The following WWP2 variants were observed in gnomAD, a reference collection of about 807,000 sequenced individuals.
The protein encoded by WWP2 is WW domain containing E3 ubiquitin protein ligase 2.
A neutral mutation model predicts 121.0 loss-of-function variants in WWP2; 57 were observed. That is an observed-to-expected ratio of 0.47 (90% confidence interval 0.38 to 0.59). The LOEUF (loss-of-function observed/expected upper bound fraction) is 0.59, where lower values mean the gene tolerates loss of function less well. WWP2 is among the 20% of genes least tolerant of loss of function. The pLI is 0.00. For synonymous variants in WWP2, 449 were observed against 441.3 expected, an observed-to-expected ratio of 1.02 and a Z score of -0.22; for missense variants, 962 against 1,158.9, an observed-to-expected ratio of 0.83 and a Z score of 2.47.
intron 7 of WWP2, among the ~76,000 whole-genome samples, chr16:69,885,141 ATT>A (rs773848301): frequency 0.054 from 8,010 of 147,822 alleles, 250 homozygotes; most frequent in Middle Eastern, 0.098. Context: ...ACACACACAC[ATT>A]CTTCTTCTTT....
At chr16:69,792,063 C>T (rs965545536) in intron 2 of WWP2, among the ~76,000 whole-genome samples, 4 of 151,972 alleles carry the variant, frequency 2.6e-5, no homozygotes, top group African/African-American at 4.8e-5. Context: ...ATTTAAATAG[C>T]GTAGGTGGTT....
intron 8 of WWP2, among the ~76,000 whole-genome samples, chr16:69,888,821 C>T (rs1387611732): frequency 6.6e-6 from 1 of 152,130 alleles, no homozygotes; most frequent in Non-Finnish European, 1.5e-5. Flanking sequence ...TCTCCTGCCT[C>T]AGCCTCCCAA....
intron 1 of WWP2, among the ~76,000 whole-genome samples, chr16:69,768,064 C>T (rs996437274): frequency 6.6e-6 from 1 of 151,996 alleles, no homozygotes. Context: ...TCTTGAACTC[C>T]GGGCTCAAGT....
chr16:69,852,678 TGTTC>T (rs1462895189), intron 6 of WWP2, among the ~76,000 whole-genome samples: 1 of 59,056 alleles, frequency 1.7e-5, no homozygotes, highest in Non-Finnish European at 3.7e-5. Flanking sequence ...TGGTTGTTCA[TGTTC>T]TTATTGTTGA....
chr16:69,768,643 A>G (rs969437084), intron 1 of WWP2, among the ~76,000 whole-genome samples: 7 of 152,094 alleles, frequency 4.6e-5, no homozygotes, highest in Non-Finnish European at 8.8e-5. Flanking sequence ...AATAACAAGT[A>G]CCAAGACATG....
At chr16:69,851,066 A>G (rs1371916722) in intron 6 of WWP2, among the ~76,000 whole-genome samples, 2 of 144,204 alleles carry the variant, frequency 1.4e-5, no homozygotes, top group African/African-American at 5.2e-5. Context: ...GCTGGAGTGC[A>G]GTGGCTCAAT....
At chr16:69,927,010 G>A (rs1284193495) in intron 11 of WWP2, among the ~76,000 whole-genome samples, 2 of 152,140 alleles carry the variant, frequency 1.3e-5, no homozygotes, top group African/African-American at 2.4e-5. Context: ...CACAGCTGAT[G>A]GAGACTTGAA....
intron 6 of WWP2, among the ~76,000 whole-genome samples, chr16:69,863,070 T>G (rs1166896956): frequency 6.6e-6 from 1 of 152,142 alleles, no homozygotes; most frequent in Admixed American, 6.5e-5. Flanking sequence ...GTCCCTAGTC[T>G]TTATAGAATC....
rs182060052 is a variant in WWP2 at position 69,784,785 on chromosome 16, C to T, written c.-15-2211C>T. 3.3e-4 allele frequency among the ~76,000 whole-genome samples: 50 copies of T among 152,136 alleles called. No homozygotes were observed. In the Middle Eastern group the frequency reaches 0.014, roughly 41 times the overall value. Reference sequence around the variant, plus strand: ...ATTAATTGCTTTTTGGGTGAAGTACCATTTTTACTTAAACATCTAACAGAC... The same window carrying T: ...ATTAATTGCTTTTTGGGTGAAGTACTATTTTTACTTAAACATCTAACAGAC... On this transcript the variant is annotated intron_variant, in intron 1 of 23. Coordinates refer to ENST00000359154, the MANE Select transcript of WWP2 (RefSeq NM_001270454.2).
chr16:69,799,074 T>A lies in WWP2; in HGVS notation c.219-100T>A. The A allele has an allele frequency of 1.3e-6, 2 of 1,523,580 alleles. No individual in the cohort carries two copies. Among genetic ancestry groups the A allele is most frequent in the Non-Finnish European group, 1.8e-6 (2 of 1,134,252 alleles). 94.4% of individuals were successfully genotyped at this position (1,523,580 alleles called of 1,614,324 possible). A position where few individuals can be genotyped will look rare whatever the true frequency, so the allele number is the denominator to read the frequency against. ...ATATGTGGGTGTCTGCCTGTTTTGG[T>A]TCCCCCTCCCCAAGATGTCAGCAGT... is the stretch of plus-strand genomic sequence containing the variant. On this transcript the variant is annotated intron_variant, in intron 3 of 23. Coordinates refer to ENST00000359154, the MANE Select transcript of WWP2 (RefSeq NM_001270454.2). The surrounding 1 kb of genome is among the most constrained non-coding windows in gnomAD (Gnocchi z 4.5).
chr16:69,878,182 T>C (rs2057767957), intron 7 of WWP2, among the ~76,000 whole-genome samples: 1 of 152,186 alleles, frequency 6.6e-6, no homozygotes, highest in Non-Finnish European at 1.5e-5. Flanking sequence ...CAAAGATCAC[T>C]GGTCACAGAT....
chr16:69,798,997 C>T (rs562784393), intron 3 of WWP2, 168 bp downstream of exon 3: 10 of 1,314,558 alleles, frequency 7.6e-6, no homozygotes, highest in Admixed American at 2.4e-5. Flanking sequence ...GCTCATAGAG[C>T]GTTCATTATT....
rs143156114 is a variant in WWP2, at chr16:69,871,818, C to T, written c.590C>T (p.Ser197Leu). The T allele has an allele frequency of 6.0e-4, 976 of 1,614,112 alleles. 7 individuals carry two copies. In the African/African-American group the frequency reaches 8.6e-3, roughly 14 times the overall value. Residue 197 changes from serine (S) to leucine (L), a missense_variant, in exon 7 of 24, where the codon TCG (serine) becomes TTG (leucine). Around this residue, in one of 3 missense-constraint regions of WWP2, gnomAD observed 211 missense variants for 196.5 expected, o/e 1.07. Coordinates refer to ENST00000359154, the MANE Select transcript of WWP2 (RefSeq NM_001270454.2). Reference sequence around the variant, plus strand: ...TGAACCCCCAGGACGCACAGACATTCGGGTGCTTCAGCCAGAACAACCCCA... The same window carrying T: ...TGAACCCCCAGGACGCACAGACATTTGGGTGCTTCAGCCAGAACAACCCCA... The part of the protein sequence containing the change: ...FGGRSRTHRH[S>L]GASARTTPAT...
Position 69,838,307 on chromosome 16 carries a change from C to T in WWP2, c.341-1819C>T, listed in dbSNP as rs371588598. ...AGGTAGTTTGCTTCACGGTGCACAG[C>T]TCTCAGGGACTAGAACTGTGAATTA... On this transcript the variant is annotated intron_variant, in intron 4 of 23. Transcript: ENST00000359154. Among the ~76,000 whole-genome samples the T allele has an allele frequency of 2.1e-4, 32 of 152,204 alleles. No individual in the cohort carries two copies. In the East Asian group the frequency reaches 6.0e-3, roughly 28 times the overall value.
In WWP2 at chr16:69,935,706, C is replaced by T. The variant is rs145421784; in HGVS notation, c.1843-147C>T. 0.017 allele frequency: 20,430 copies of T among 1,198,362 alleles called. 249 individuals carry two copies. The highest frequency in any genetic ancestry group is 0.021 in the Non-Finnish European group (17,692 of 857,244). 74.2% of individuals were successfully genotyped at this position (1,198,362 alleles called of 1,614,324 possible). A position where few individuals can be genotyped will look rare whatever the true frequency, so the allele number is the denominator to read the frequency against. ...GCGTTGTTTACTCCTGAGGCCCTCC[C>T]GCTGCGTCCGAGGCAGCTGCTGCTG... On this transcript the variant is annotated intron_variant, in intron 17 of 23. Transcript: ENST00000359154. The surrounding 1 kb of genome is among the most constrained non-coding windows in gnomAD (Gnocchi z 5.2).
At position 69,896,411 on chromosome 16, in the gene WWP2, G is replaced by A. The variant is rs200912202; in HGVS notation, c.914+8162G>A. ...GCTGGGGTTACAGGTGTGAACCACC[G>A]TGCCCATCCTTACTGCAATTTCTTG... On this transcript the variant is annotated intron_variant, in intron 8 of 23. Coordinates refer to ENST00000359154, the MANE Select transcript of WWP2 (RefSeq NM_001270454.2). 6.6e-5 allele frequency among the ~76,000 whole-genome samples: 10 copies of A among 152,202 alleles called. No homozygotes were observed. The East Asian group carries it at 9.6e-4, about 15-fold the overall frequency.
At chr16:69,763,185 C>CA (rs1446038584) in intron 1 of WWP2, among the ~76,000 whole-genome samples, 1 of 152,232 alleles carries the variant, frequency 6.6e-6, no homozygotes, top group African/African-American at 2.4e-5. Context: ...AAATCTTGGA[C>CA]AGAGAAGTGT....
chr16:69,810,312 T>G (rs2151829850), intron 4 of WWP2, among the ~76,000 whole-genome samples: 2 of 152,266 alleles, frequency 1.3e-5, no homozygotes, highest in East Asian at 3.9e-4. Context: ...ACATTCGCCC[T>G]GGCCATGGCT....
chr16:69,852,345 C>T (rs953869493), intron 6 of WWP2, among the ~76,000 whole-genome samples: 3 of 150,810 alleles, frequency 2.0e-5, no homozygotes, highest in African/African-American at 4.9e-5. Context: ...GGTGTGATCT[C>T]GGCTTACTGC....
Sources: allele counts gnomAD v4.1 joint callset (sites outside exome capture counted in the v4.1 genomes callset), GRCh38; gene constraint gnomAD v4.1.1; regional missense constraint gnomAD v4.1.1; non-coding constraint Gnocchi (gnomAD v3.1); transcripts MANE v1.5; gene names NCBI Gene and HGNC (gene_info 2026-07-23, HGNC 2026-07-21).